The following PDIA6 variants were observed in gnomAD, a reference collection of about 807,000 sequenced individuals.
PDIA6 encodes protein disulfide-isomerase A6.
PDIA6 carries 29 observed loss-of-function variants against 58.4 expected under a neutral mutation model. That is an observed-to-expected ratio of 0.50 (90% CI 0.37 to 0.68). The LOEUF (loss-of-function observed/expected upper bound fraction) is 0.68, where lower values mean the gene tolerates loss of function less well. Among genes scored for constraint, PDIA6 ranks in the 30% least tolerant of loss-of-function variants. The pLI, the probability that PDIA6 is intolerant of heterozygous loss-of-function variation, is 0.00. For synonymous variants in PDIA6, 192 were observed against 202.6 expected (o/e 0.95, Z 0.44); for missense variants, 480 against 551.0 (o/e 0.87, Z 1.29).
At chr2:10,828,638 A>G (rs1356266466) in intron 1 of PDIA6, among the ~76,000 whole-genome samples, 1 of 152,250 alleles carries the variant, frequency 6.6e-6, no homozygotes, top group Non-Finnish European at 1.5e-5. Flanking sequence ...GACACTGGGC[A>G]TGGTGCAGCC....
intron 1 of PDIA6, chr2:10,819,392 G>T: frequency 1.6e-6 from 2 of 1,220,810 alleles, no homozygotes; most frequent in Non-Finnish European, 2.4e-6. Flanking sequence ...GTGAGGTGGG[G>T]ATGGGGAAAC....
intron 1 of PDIA6, among the ~76,000 whole-genome samples, chr2:10,827,748 T>G (rs552945505): frequency 6.6e-6 from 1 of 150,548 alleles, no homozygotes; most frequent in Non-Finnish European, 1.5e-5. Context: ...TACTTGAATC[T>G]GGGAGGCACA....
At chr2:10,808,610 G>A (rs1666862943) in intron 1 of PDIA6, among the ~76,000 whole-genome samples, 1 of 152,166 alleles carries the variant, frequency 6.6e-6, no homozygotes, top group African/African-American at 2.4e-5. Context: ...GTCAGTGATG[G>A]AGTAGCCTTT....
rs142782761 is a variant in PDIA6 at position 10,806,628 on chromosome 2, C to CAAAGAAAGAAAGGA, written c.20-3989_20-3988insTCCTTTCTTTCTTT. The stretch of plus-strand genomic sequence containing the variant: ...AACCACATCTCCTAAAAAATAAAGA[C>CAAAGAAAGAAAGGA]AGAAAGAAAGAAAGAAAGAAAAACG... On this transcript the variant is annotated intron_variant, in intron 1 of 12. Coordinates refer to ENST00000272227, the MANE Select transcript of PDIA6 (RefSeq NM_005742.4). Among the ~76,000 whole-genome samples, 2 of 70,366 alleles carry CAAAGAAAGAAAGGA rather than the reference C, an allele frequency of 2.8e-5. 1 individual carries two copies. The highest frequency in any genetic ancestry group is 7.9e-5 in the Non-Finnish European group (2 of 25,476). The allele number at this position is 70,366 out of a possible 152,430, so 46.2% of individuals were successfully genotyped here.
chr2:10,811,189 C>G (rs576620155), intron 1 of PDIA6, among the ~76,000 whole-genome samples: 1 of 152,268 alleles, frequency 6.6e-6, no homozygotes, highest in Admixed American at 6.5e-5. Context: ...CTCTTTTCCC[C>G]TCATCTACTC....
At chr2:10,797,791 A>ATAAT in intron 2 of PDIA6, 34 bp from the exon 3 acceptor site, 1 of 1,556,524 alleles carries the variant, frequency 6.4e-7, no homozygotes, top group Non-Finnish European at 8.7e-7. Context: ...GCAACCATTA[A>ATAAT]AGCCTTTGAT....
upstream of PDIA6, chr2:10,812,867 A>T (rs1370830694): frequency 3.4e-6 from 4 of 1,160,200 alleles, no homozygotes; most frequent in African/African-American, 4.9e-5. Context: ...GCTGCGGCTC[A>T]TTGGTCCGGG....
intron 1 of PDIA6, among the ~76,000 whole-genome samples, chr2:10,827,309 C>T (rs1667579072): frequency 1.3e-5 from 2 of 151,888 alleles, no homozygotes; most frequent in South Asian, 2.1e-4. Flanking sequence ...ATGATCCGCC[C>T]TCCTCAGCCT....
chr2:10,827,361 C>A (rs991219256), intron 1 of PDIA6, among the ~76,000 whole-genome samples: 2 of 152,094 alleles, frequency 1.3e-5, no homozygotes, highest in Non-Finnish European at 2.9e-5. Context: ...CCGCACCCAG[C>A]CTTATTTACA....
intron 11 of PDIA6, among the ~76,000 whole-genome samples, chr2:10,786,555 C>T (rs891848956): frequency 6.6e-6 from 1 of 151,996 alleles, no homozygotes; most frequent in South Asian, 2.1e-4. Flanking sequence ...ACACAAACTT[C>T]TGTGTCAAGT....
At chr2:10,828,226 T>G (rs201574511) in intron 1 of PDIA6, among the ~76,000 whole-genome samples, 1 of 152,232 alleles carries the variant, frequency 6.6e-6, no homozygotes, top group East Asian at 1.9e-4. Context: ...CACAGTAGTT[T>G]CACTGTCCTA....
Position 10,783,511 on chromosome 2 carries a change from C to T in PDIA6, c.*747G>A, listed in dbSNP as rs749964258. 49 of 380,062 alleles carry T rather than the reference C, an allele frequency of 1.3e-4. 1 individual carries two copies. The highest frequency in any genetic ancestry group is 7.8e-4 in the Middle Eastern group (1 of 1,274). The allele number at this position is 380,062 out of a possible 1,614,324, so 23.5% of individuals were successfully genotyped here. Reference sequence around the variant, plus strand: ...TTTACATAAATGCGAACTACCTGTTCGCATTGGTAACCTGCTGCTGTATTT... The same window carrying T: ...TTTACATAAATGCGAACTACCTGTTTGCATTGGTAACCTGCTGCTGTATTT... On this transcript the variant is annotated 3_prime_UTR_variant, in exon 13 of 13. Transcript: ENST00000272227.
intron 4 of PDIA6, among the ~76,000 whole-genome samples, chr2:10,795,158 G>C (rs1342962504): frequency 6.6e-6 from 1 of 152,102 alleles, no homozygotes; most frequent in Non-Finnish European, 1.5e-5. Context: ...GCCAAATCAT[G>C]AAGTATACTA....
At chr2:10,796,952 G>T in intron 4 of PDIA6, 129 bp downstream of exon 4, 2 of 771,906 alleles carry the variant, frequency 2.6e-6, no homozygotes, top group Admixed American at 2.3e-5. Flanking sequence ...GAATCACTGT[G>T]TACCATTTAT....
chr2:10,812,594 G>A (rs1667050341), intron 1 of PDIA6, 84 bp downstream of exon 1: 4 of 1,345,142 alleles, frequency 3.0e-6, no homozygotes, highest in East Asian at 6.5e-5. Context: ...CTGCGGCCGC[G>A]GCCCGCCGGG....
chr2:10,797,379 T>G (rs557576409), intron 3 of PDIA6, among the ~76,000 whole-genome samples, 172 bp from the exon 4 acceptor site: 1 of 152,330 alleles, frequency 6.6e-6, no homozygotes, highest in South Asian at 2.1e-4. Flanking sequence ...CTAAATGGAA[T>G]GATGGGGGAA....
chr2:10,788,053 G>A (rs1665859635), intron 10 of PDIA6, among the ~76,000 whole-genome samples: 1 of 122,132 alleles, frequency 8.2e-6, no homozygotes, highest in African/African-American at 2.9e-5. Flanking sequence ...GCAAGAGAGT[G>A]AGACTCTGTC....
chr2:10,791,336 G>C (rs1469690578), intron 6 of PDIA6, among the ~76,000 whole-genome samples: 1 of 151,558 alleles, frequency 6.6e-6, no homozygotes, highest in Non-Finnish European at 1.5e-5. Context: ...AGTAGACATG[G>C]GGTTTTGCTA....
intron 1 of PDIA6, among the ~76,000 whole-genome samples, chr2:10,828,056 C>G (rs1397237034): frequency 6.6e-6 from 1 of 152,050 alleles, no homozygotes; most frequent in Admixed American, 6.6e-5. Flanking sequence ...CTATCAACAT[C>G]CCACACCGCA....
Sources: gnomAD v4.1 joint callset for allele counts (sites outside exome capture counted in the v4.1 genomes callset) on GRCh38, gnomAD v4.1.1 for gene constraint, MANE v1.5 for transcripts, NCBI Gene and HGNC (gene_info 2026-07-23, HGNC 2026-07-21) for gene names.